The following XKR4 variants were observed in gnomAD, a reference collection of about 807,000 sequenced individuals.
The protein encoded by XKR4 is XK-related protein 4.
A neutral mutation model predicts 53.9 loss-of-function variants in XKR4; 12 were observed. The ratio of observed to expected loss-of-function variants is 0.22; its 90% CI spans 0.14 to 0.36. XKR4 has a LOEUF of 0.36. XKR4 is among the 10% of genes least tolerant of loss of function. The pLI, the probability that XKR4 is intolerant of heterozygous loss-of-function variation, is 1.00. For missense variants in XKR4, 799 were observed against 859.5 expected (o/e 0.93, Z 0.88); for synonymous variants, 354 against 362.4 (o/e 0.98, Z 0.26).
intron 1 of XKR4, among the ~76,000 whole-genome samples, chr8:55,183,400 C>G (rs896126652): frequency 6.6e-6 from 1 of 151,770 alleles, no homozygotes; most frequent in African/African-American, 2.4e-5. Flanking sequence ...GCTGCTTTAG[C>G]TGTGCCCATA....
chr8:55,408,559 G>A (rs1804724066), intron 2 of XKR4, among the ~76,000 whole-genome samples: 2 of 152,228 alleles, frequency 1.3e-5, no homozygotes, highest in African/African-American at 4.8e-5. Flanking sequence ...GGGGCTGGAA[G>A]TCCAGAGCGT....
chr8:55,220,934 T>G (rs2129365329), intron 1 of XKR4, among the ~76,000 whole-genome samples: 1 of 152,350 alleles, frequency 6.6e-6, no homozygotes, highest in South Asian at 2.1e-4. Flanking sequence ...TCCACGTTCG[T>G]GGTAGATACT....
At chr8:55,450,223 G>C in intron 2 of XKR4, 1 of 639,564 alleles carries the variant, frequency 1.6e-6, no homozygotes, top group Non-Finnish European at 2.8e-6. Flanking sequence ...CCTGCTCTGG[G>C]GAGCGCCTCC....
chr8:55,202,196 T>C (rs1040119213), intron 1 of XKR4, among the ~76,000 whole-genome samples: 10 of 152,288 alleles, frequency 6.6e-5, no homozygotes, highest in South Asian at 2.1e-4. Context: ...CTTTTAAAAG[T>C]TGGTGAATAC....
At chr8:55,249,590 G>A (rs1003226880) in intron 1 of XKR4, among the ~76,000 whole-genome samples, 1 of 152,182 alleles carries the variant, frequency 6.6e-6, no homozygotes, top group Non-Finnish European at 1.5e-5. Context: ...TTTAAGCTTT[G>A]GAAACTTTCT....
chr8:55,345,896 G>A (rs1482109773), intron 1 of XKR4, among the ~76,000 whole-genome samples: 1 of 151,904 alleles, frequency 6.6e-6, no homozygotes, highest in African/African-American at 2.4e-5. Context: ...TCAAATAGAA[G>A]GTTATCCAAT....
chr8:55,456,599 AC>A (rs1346220549), intron 2 of XKR4, among the ~76,000 whole-genome samples: 3 of 152,254 alleles, frequency 2.0e-5, no homozygotes, highest in African/African-American at 7.2e-5. Flanking sequence ...GTGAAAAAGA[AC>A]CAAATAGAAA....
chr8:55,515,497 A>G (rs1214932048), intron 2 of XKR4, among the ~76,000 whole-genome samples: 1 of 152,160 alleles, frequency 6.6e-6, no homozygotes, highest in Admixed American at 6.5e-5. Context: ...CTAAAAGACA[A>G]TCTCTAAACA....
intron 1 of XKR4, among the ~76,000 whole-genome samples, chr8:55,313,473 A>G (rs1490005426): frequency 1.3e-5 from 2 of 152,158 alleles, no homozygotes; most frequent in Non-Finnish European, 2.9e-5. Flanking sequence ...CCCTTGTGGA[A>G]GAAAGAGCAC....
intron 2 of XKR4, among the ~76,000 whole-genome samples, chr8:55,375,903 C>T (rs1255462528): frequency 7.9e-5 from 12 of 152,152 alleles, no homozygotes; most frequent in Non-Finnish European, 7.4e-5. Flanking sequence ...TAACAGGCCC[C>T]AGTGTGTGTT....
intron 1 of XKR4, among the ~76,000 whole-genome samples, chr8:55,295,277 A>C (rs1819085783): frequency 6.6e-6 from 1 of 152,168 alleles, no homozygotes; most frequent in Non-Finnish European, 1.5e-5. Flanking sequence ...AAGACGGAAA[A>C]GTATTATGAG....
intron 1 of XKR4, among the ~76,000 whole-genome samples, chr8:55,315,313 T>C (rs1043160899): frequency 6.6e-6 from 1 of 152,182 alleles, no homozygotes; most frequent in Non-Finnish European, 1.5e-5. Context: ...AGGGGAATTT[T>C]TGTAAATGCA....
At chr8:55,458,971 C>A (rs1007746943) in intron 2 of XKR4, among the ~76,000 whole-genome samples, 5 of 152,152 alleles carry the variant, frequency 3.3e-5, no homozygotes, top group Non-Finnish European at 7.3e-5. Context: ...GCGACCCCAC[C>A]CTTTTCTACC....
chr8:55,121,600 A>G (rs1816391589), intron 1 of XKR4, among the ~76,000 whole-genome samples: 1 of 152,174 alleles, frequency 6.6e-6, no homozygotes, highest in African/African-American at 2.4e-5. Context: ...GTGATTAGGT[A>G]GTTCTGTGGA....
chr8:55,350,505 G>C (rs1478614982), intron 1 of XKR4, among the ~76,000 whole-genome samples: 1 of 152,088 alleles, frequency 6.6e-6, no homozygotes, highest in Non-Finnish European at 1.5e-5. Flanking sequence ...TAGCACAGAT[G>C]AACCTTGAGG....
chr8:55,453,183 G>A (rs1805483254), intron 2 of XKR4: 2 of 502,514 alleles, frequency 4.0e-6, no homozygotes, highest in South Asian at 1.5e-5. Context: ...GCACAGAGCT[G>A]TAAGAGAACT....
intron 2 of XKR4, among the ~76,000 whole-genome samples, chr8:55,398,726 C>T (rs944650030): frequency 3.3e-5 from 5 of 152,278 alleles, no homozygotes; most frequent in African/African-American, 9.6e-5. Flanking sequence ...TGAAACCAGA[C>T]AGGGTTGTGA....
chr8:55,391,345 T>C (rs1804440316), intron 2 of XKR4, among the ~76,000 whole-genome samples: 1 of 152,202 alleles, frequency 6.6e-6, no homozygotes, highest in Non-Finnish European at 1.5e-5. Flanking sequence ...CAACAAAAAT[T>C]GGAATCAGCC....
intron 1 of XKR4, among the ~76,000 whole-genome samples, chr8:55,119,422 G>GA (rs200480329): frequency 5.3e-5 from 8 of 150,578 alleles, no homozygotes; most frequent in African/African-American, 1.2e-4. Context: ...ATGTTAAGCA[G>GA]AAAAAAAAAG....
Sources: allele counts gnomAD v4.1 joint callset (sites outside exome capture counted in the v4.1 genomes callset), GRCh38; gene constraint gnomAD v4.1.1; transcripts MANE v1.5; gene names NCBI Gene and HGNC (gene_info 2026-07-23, HGNC 2026-07-21).